Variants in HSD17B14 observed in about 807,000 individuals in gnomAD.
HSD17B14 encodes the protein L-fucose dehydrogenase.
A neutral mutation model predicts 32.2 loss-of-function variants in HSD17B14; 32 were observed. The observed-to-expected ratio is 0.99, with a 90% CI of 0.75 to 1.33. HSD17B14 has a LOEUF of 1.33. Ranked by LOEUF, HSD17B14 falls within the 40% of genes most tolerant of loss-of-function variation. The pLI, the probability that HSD17B14 is intolerant of heterozygous loss-of-function variation, is 0.00. For missense variants in HSD17B14, 370 were observed against 366.5 expected (o/e 1.01, Z -0.08); for synonymous variants, 140 against 155.4 (o/e 0.90, Z 0.74).
intron 5 of HSD17B14, among the ~76,000 whole-genome samples, chr19:48,829,455 A>T (rs2035300995): frequency 6.7e-6 from 1 of 149,806 alleles, no homozygotes; most frequent in Non-Finnish European, 1.5e-5. Context: ...AGGTTCAAGC[A>T]ATTCTACCGC....
chr19:48,831,611 C>T (rs1010411664), intron 5 of HSD17B14, 57 bp downstream of exon 5: 75 of 1,180,378 alleles, frequency 6.4e-5, no homozygotes, highest in Middle Eastern at 3.9e-4. Flanking sequence ...AAATGCATCA[C>T]ACAATCCACC....
At chr19:48,832,782 T>G in intron 3 of HSD17B14, 50 bp from the exon 4 acceptor site, 1 of 1,458,426 alleles carries the variant, frequency 6.9e-7, no homozygotes, top group East Asian at 2.3e-5. Context: ...AGACGGTGTC[T>G]CCCTCTTGTC....
chr19:48,813,375 G>A (rs531458314), intron 8 of HSD17B14, 27 bp from the exon 9 acceptor site: 1 of 1,557,486 alleles, frequency 6.4e-7, no homozygotes, highest in Non-Finnish European at 8.7e-7. Flanking sequence ...GGGGAAGGAG[G>A]TCAAGAGGAG....
Position 48,832,623 on chromosome 19 carries a change from G to C in HSD17B14, c.277+43C>G, listed in dbSNP as rs539969933. On this transcript the variant is annotated intron_variant, in intron 4 of 8. Coordinates refer to ENST00000263278, the MANE Select transcript of HSD17B14 (RefSeq NM_016246.3). ...AACTGACGTGCAGGAAACAGAGTTG[G>C]GGGGCAGGAGGTGGAGAATGGCCCT... is the stretch of plus-strand genomic sequence containing the variant. 1.5e-4 allele frequency: 238 copies of C among 1,545,216 alleles called. 5 individuals are homozygous for C. In the South Asian group the frequency reaches 2.4e-3, roughly 16 times the overall value.
At chr19:48,827,522 G>T (rs1159783456) in intron 5 of HSD17B14, among the ~76,000 whole-genome samples, 4 of 151,766 alleles carry the variant, frequency 2.6e-5, no homozygotes, top group African/African-American at 9.7e-5. Context: ...TGAGGGAAAG[G>T]CTTTGATGTG....
intron 3 of HSD17B14, among the ~76,000 whole-genome samples, chr19:48,833,112 A>G (rs2035373789): frequency 6.6e-6 from 1 of 151,516 alleles, no homozygotes; most frequent in African/African-American, 2.4e-5. Context: ...AGGGCTCCCA[A>G]ATGCAAGGCA....
In HSD17B14 at chr19:48,813,151, G is replaced by T; in HGVS notation, c.*24C>A. 6.4e-7 allele frequency: 1 copy of T among 1,552,800 alleles called. No homozygotes were observed. Among genetic ancestry groups the T allele is most frequent in the Non-Finnish European group, 8.7e-7 (1 of 1,145,400 alleles). On this transcript the variant is annotated 3_prime_UTR_variant, in exon 9 of 9. Transcript: ENST00000263278. Reference sequence around the variant, plus strand: ...TGGGGTGGGAGAGTCCTAGGAAGGGGGCCCCAAGTAGAAATGAGAGAAATC... The same window carrying T: ...TGGGGTGGGAGAGTCCTAGGAAGGGTGCCCCAAGTAGAAATGAGAGAAATC...
intron 2 of HSD17B14, 102 bp downstream of exon 2, chr19:48,835,703 G>T: frequency 8.5e-7 from 1 of 1,181,974 alleles, no homozygotes; most frequent in Non-Finnish European, 1.3e-6. Flanking sequence ...GTAGGGCCTG[G>T]GGGCCTGGAC....
At position 48,813,251 on chromosome 19, in the gene HSD17B14, G is replaced by A. The variant is rs748067619; in HGVS notation, c.737C>T (p.Thr246Met). Reference protein sequence around the residue: ...NFCTGIELLVTGGAELGYGCK... With the variant: ...NFCTGIELLVMGGAELGYGCK... The stretch of plus-strand genomic sequence containing the variant: ...CCCGTACCCCAGCTCTGCACCCCCC[G>A]TCACGAGCAGTTCAATGCCCGTGCA... The change falls in exon 9 of 9, where the codon ACG becomes ATG. Residue 246 changes from threonine to methionine, a missense_variant. Thr to Met is a moderately conservative substitution (Grantham distance 81). Coordinates refer to ENST00000263278, the MANE Select transcript of HSD17B14 (RefSeq NM_016246.3). The A allele has an allele frequency of 3.1e-6, 5 of 1,608,430 alleles. No individual in the cohort carries two copies. Among genetic ancestry groups the A allele is most frequent in the African/African-American group, 2.7e-5 (2 of 74,826 alleles).
intron 5 of HSD17B14, among the ~76,000 whole-genome samples, chr19:48,828,076 G>T (rs1355758570): frequency 6.6e-6 from 1 of 151,564 alleles, no homozygotes; most frequent in Non-Finnish European, 1.5e-5. Context: ...AGATGGTCTC[G>T]ATCTCCTGAC....
At chr19:48,814,939 C>G in intron 6 of HSD17B14, 98 bp downstream of exon 6, 1 of 850,332 alleles carries the variant, frequency 1.2e-6, no homozygotes, top group South Asian at 1.4e-5. Context: ...TTTCTAGGGC[C>G]AAGATCTTGC....
chr19:48,828,767 T>TA (rs1326905089), intron 5 of HSD17B14, among the ~76,000 whole-genome samples: 1 of 151,236 alleles, frequency 6.6e-6, no homozygotes. Flanking sequence ...CCACCTCTAT[T>TA]AAAAAATAAA....
intron 5 of HSD17B14, among the ~76,000 whole-genome samples, chr19:48,821,254 C>T (rs973746258): frequency 6.6e-6 from 1 of 152,052 alleles, no homozygotes; most frequent in African/African-American, 2.4e-5. Flanking sequence ...ACCTCGTGAT[C>T]CACCCGCCTT....
intron 5 of HSD17B14, among the ~76,000 whole-genome samples, chr19:48,818,256 A>G (rs928874605): frequency 7.0e-4 from 106 of 151,068 alleles, no homozygotes; most frequent in African/African-American, 2.5e-3. Context: ...GGTTGCAGTA[A>G]GCCACAATCG....
intron 5 of HSD17B14, among the ~76,000 whole-genome samples, chr19:48,821,948 T>A (rs1209545337): frequency 6.8e-6 from 1 of 148,028 alleles, no homozygotes; most frequent in Admixed American, 6.9e-5. Context: ...GACGTGGTAA[T>A]GATGGTTACG....
At position 48,813,266 on chromosome 19, in the gene HSD17B14, A is replaced by G. The variant is rs770907036; in HGVS notation, c.722T>C (p.Ile241Thr). ...TGCACCCCCCGTCACGAGCAGTTCAATGCCCGTGCAGAAGTTGGCTTCGGA... is the reference window on the plus strand; with the variant it reads ...TGCACCCCCCGTCACGAGCAGTTCAGTGCCCGTGCAGAAGTTGGCTTCGGA... The part of the protein sequence containing the change: ...LASEANFCTG[I>T]ELLVTGGAEL... The change falls in exon 9 of 9, where the codon ATT (isoleucine) becomes ACT (threonine). Residue 241 changes from isoleucine to threonine, a missense_variant. Transcript: ENST00000263278. 4 of 1,607,410 alleles carry G rather than the reference A, an allele frequency of 2.5e-6. No individual in the cohort carries two copies. The highest frequency in any genetic ancestry group is 2.2e-5 in the East Asian group (1 of 44,660).
chr19:48,826,491 CAAAAAAA>C (rs747731627), intron 5 of HSD17B14, among the ~76,000 whole-genome samples: 1,102 of 41,092 alleles, frequency 0.027, 14 homozygotes, highest in Non-Finnish European at 0.037. Context: ...AAGATTGTCT[CAAAAAAA>C]AAAAAAAAAA....
chr19:48,828,825 G>A (rs1388181684), intron 5 of HSD17B14, among the ~76,000 whole-genome samples: 1 of 151,980 alleles, frequency 6.6e-6, no homozygotes, highest in Non-Finnish European at 1.5e-5. Context: ...ACTTTGGGAG[G>A]CTGAGGTGGG....
At chr19:48,836,232 A>G (rs2035510993) in intron 1 of HSD17B14, 92 bp downstream of exon 1, 2 of 1,236,190 alleles carry the variant, frequency 1.6e-6, no homozygotes, top group Non-Finnish European at 2.3e-6. Flanking sequence ...TCCTGGCTGC[A>G]GTACTGGAGT....
Sources: allele counts gnomAD v4.1 joint callset (sites outside exome capture counted in the v4.1 genomes callset), GRCh38; gene constraint gnomAD v4.1.1; transcripts MANE v1.5; gene names NCBI Gene and HGNC (gene_info 2026-07-23, HGNC 2026-07-21).